Variants in NDRG3 observed in about 807,000 individuals in gnomAD.
NDRG3 encodes protein NDRG3.
In NDRG3, 23 loss-of-function variants were observed where a neutral mutation model predicts 57.2. The ratio of observed to expected loss-of-function variants is 0.40; its 90% confidence interval spans 0.29 to 0.57. The LOEUF (loss-of-function observed/expected upper bound fraction) is 0.57. Ranked by LOEUF, NDRG3 falls within the 20% of genes least tolerant of loss-of-function variation. The pLI is 0.42. For synonymous variants in NDRG3, 132 were observed against 162.6 expected (o/e 0.81, Z 1.43); for missense variants, 384 against 457.3 (o/e 0.84, Z 1.46).
chr20:36,722,004 C>A (rs917936895), intron 1 of NDRG3, among the ~76,000 whole-genome samples: 1 of 152,126 alleles, frequency 6.6e-6, no homozygotes, highest in Non-Finnish European at 1.5e-5. Flanking sequence ...AGTGAGTGTG[C>A]GCAGGGCCTG....
intron 3 of NDRG3, among the ~76,000 whole-genome samples, chr20:36,704,310 C>T (rs939349920): frequency 6.6e-6 from 1 of 152,018 alleles, no homozygotes; most frequent in African/African-American, 2.4e-5. Flanking sequence ...CTCCTGACCT[C>T]GTGAACTCCT....
intron 1 of NDRG3, among the ~76,000 whole-genome samples, chr20:36,738,541 G>A (rs1453164300): frequency 2.6e-5 from 4 of 151,946 alleles, no homozygotes; most frequent in African/African-American, 9.7e-5. Context: ...TAAAAAATGG[G>A]GCTAGGCATA....
chr20:36,692,660 A>G (rs1460104808), intron 3 of NDRG3, among the ~76,000 whole-genome samples: 1 of 152,126 alleles, frequency 6.6e-6, no homozygotes, highest in Non-Finnish European at 1.5e-5. Context: ...TATAGATATA[A>G]TCTAAGGCTG....
rs6101714 is a variant in NDRG3 at position 36,666,404 on chromosome 20, G to C, written c.589-12C>G. On this transcript the variant is annotated splice_polypyrimidine_tract_variant and intron_variant, in intron 9 of 15. Coordinates refer to ENST00000349004, the MANE Select transcript of NDRG3 (RefSeq NM_032013.4). ...GCCTGTAACTCTTCCTAGAACAATTGAAAGAAGACATGGGTAAGCTTCTGA... is the reference window on the plus strand; with the variant it reads ...GCCTGTAACTCTTCCTAGAACAATTCAAAGAAGACATGGGTAAGCTTCTGA... 11,319 of 1,586,240 alleles carry C rather than the reference G, an allele frequency of 7.1e-3. 708 individuals are homozygous for C. The African/African-American group carries it at 0.14, about 19-fold the overall frequency.
intron 5 of NDRG3, among the ~76,000 whole-genome samples, chr20:36,686,930 C>T (rs1325671874): frequency 6.6e-6 from 1 of 152,032 alleles, no homozygotes; most frequent in Non-Finnish European, 1.5e-5. Flanking sequence ...CATCCAGGCA[C>T]TGCAGCCTCA....
chr20:36,709,121 A>G (rs1051286578), intron 2 of NDRG3, among the ~76,000 whole-genome samples: 5 of 152,224 alleles, frequency 3.3e-5, no homozygotes, highest in East Asian at 1.9e-4. Flanking sequence ...TATCCACTCC[A>G]TAAGAGGGAC....
At chr20:36,740,602 A>G (rs979053115) in intron 1 of NDRG3, among the ~76,000 whole-genome samples, 1 of 152,222 alleles carries the variant, frequency 6.6e-6, no homozygotes, top group African/African-American at 2.4e-5. Flanking sequence ...TCGGACTCCT[A>G]AAGTGCTGGG....
At chr20:36,654,701 C>A in intron 15 of NDRG3, 1 of 754,554 alleles carries the variant, frequency 1.3e-6, no homozygotes, top group Admixed American at 1.8e-5. Flanking sequence ...CACGTTCTAT[C>A]GGGCTCTCAC....
At chr20:36,687,685 C>T (rs751369779) in intron 4 of NDRG3, 73 bp from the exon 5 acceptor site, 29 of 1,496,430 alleles carry the variant, frequency 1.9e-5, no homozygotes, top group Non-Finnish European at 2.4e-5. Flanking sequence ...CAGTCAATGC[C>T]TATTATCACC....
At position 36,669,308 on chromosome 20, in the gene NDRG3, C is replaced by T. The variant is rs527291006; in HGVS notation, c.588+2033G>A. On this transcript the variant is annotated intron_variant, in intron 9 of 15. Transcript: ENST00000349004. ...GCAATGGTGCGATCTCAGCTCACTG[C>T]AACCTCTGCCTCCTGGGTTCAAGCA... is the stretch of plus-strand genomic sequence containing the variant. 5.9e-5 allele frequency among the ~76,000 whole-genome samples: 9 copies of T among 151,942 alleles called. No individual in the cohort carries two copies. In the South Asian group the frequency reaches 1.9e-3, roughly 32 times the overall value.
intron 13 of NDRG3, among the ~76,000 whole-genome samples, chr20:36,657,457 C>G (rs1010911098): frequency 6.7e-6 from 1 of 150,114 alleles, no homozygotes; most frequent in Non-Finnish European, 1.5e-5. Flanking sequence ...CACTGCACTC[C>G]AACCTGGGCG....
At chr20:36,665,689 C>T (rs1369445363) in intron 10 of NDRG3, among the ~76,000 whole-genome samples, 5 of 152,190 alleles carry the variant, frequency 3.3e-5, no homozygotes, top group African/African-American at 4.8e-5. Flanking sequence ...ACCTCCGCCT[C>T]CCGGGTTCAA....
chr20:36,665,379 C>A, intron 10 of NDRG3, 78 bp from the exon 11 acceptor site: 8 of 1,217,560 alleles, frequency 6.6e-6, no homozygotes, highest in Non-Finnish European at 4.8e-6. Context: ...TCATAAACAC[C>A]AAAATTTATC....
At chr20:36,739,921 A>C (rs939479401) in intron 1 of NDRG3, among the ~76,000 whole-genome samples, 17 of 151,420 alleles carry the variant, frequency 1.1e-4, no homozygotes, top group Admixed American at 7.2e-4. Context: ...AAAAAAAAAA[A>C]AAAAAAAAAA....
intron 1 of NDRG3, among the ~76,000 whole-genome samples, chr20:36,734,289 C>T (rs919621917): frequency 6.6e-6 from 1 of 152,188 alleles, no homozygotes; most frequent in Non-Finnish European, 1.5e-5. Flanking sequence ...CCCAGGTCTT[C>T]CGATCCCAAA....
intron 3 of NDRG3, among the ~76,000 whole-genome samples, chr20:36,696,507 T>C (rs1388976395): frequency 6.6e-6 from 1 of 151,900 alleles, no homozygotes; most frequent in Non-Finnish European, 1.5e-5. Flanking sequence ...TTTTTTTTCT[T>C]TTTTTGAGAC....
chr20:36,722,155 T>A (rs892920524), intron 1 of NDRG3, among the ~76,000 whole-genome samples: 1 of 152,194 alleles, frequency 6.6e-6, no homozygotes, highest in South Asian at 2.1e-4. Flanking sequence ...GGCAAGCTGA[T>A]GTGCTGTGAG....
chr20:36,656,228 C>CT, intron 15 of NDRG3, 132 bp downstream of exon 15: 1 of 682,498 alleles, frequency 1.5e-6, no homozygotes. Flanking sequence ...GTTCCATAAA[C>CT]ATTTCAGTTT....
intron 5 of NDRG3, 117 bp downstream of exon 5, chr20:36,687,375 G>A (rs1981877104): frequency 7.8e-7 from 1 of 1,286,708 alleles, no homozygotes; most frequent in Non-Finnish European, 1.1e-6. Flanking sequence ...TGGTCAATAA[G>A]CATAACCTAT....
Sources: allele counts gnomAD v4.1 joint callset (sites outside exome capture counted in the v4.1 genomes callset), GRCh38; gene constraint gnomAD v4.1.1; transcripts MANE v1.5; gene names NCBI Gene and HGNC (gene_info 2026-07-23, HGNC 2026-07-21).